RALGAPA2: variants seen among roughly 807,000 people sequenced by gnomAD.
The protein encoded by RALGAPA2 is Ral GTPase activating protein catalytic subunit alpha 2, also known as ral GTPase-activating protein subunit alpha-2.
A neutral mutation model predicts 230.4 loss-of-function variants in RALGAPA2; 139 were observed. The ratio of observed to expected loss-of-function variants is 0.60; its 90% CI spans 0.53 to 0.69. The LOEUF is 0.69. RALGAPA2 is among the 30% of genes least tolerant of loss of function. RALGAPA2 has a pLI of 0.00. For missense variants in RALGAPA2, 2,163 were observed against 2,276.0 expected (o/e 0.95, Z 1.01); for synonymous variants, 847 against 837.8 (o/e 1.01, Z -0.19).
intron 3 of RALGAPA2, among the ~76,000 whole-genome samples, chr20:20,661,315 C>T (rs2067768906): frequency 6.6e-6 from 1 of 152,118 alleles, no homozygotes; most frequent in Non-Finnish European, 1.5e-5. Flanking sequence ...TGTGCCACCA[C>T]ATCCAGCTAA....
At chr20:20,588,876 GT>G (rs779121524) in intron 18 of RALGAPA2, among the ~76,000 whole-genome samples, 2 of 149,014 alleles carry the variant, frequency 1.3e-5, no homozygotes, top group African/African-American at 5.1e-5. Flanking sequence ...TTTGTTTTTT[GT>G]TTTTTTTAAG....
intron 21 of RALGAPA2, 135 bp from the exon 22 acceptor site, chr20:20,572,081 C>T (rs1476465490): frequency 2.2e-5 from 14 of 628,170 alleles, no homozygotes; most frequent in Non-Finnish European, 3.6e-5. Context: ...TTACAAGTTT[C>T]TCTTTTATTG....
At chr20:20,593,892 A>G (rs933737818) in intron 16 of RALGAPA2, among the ~76,000 whole-genome samples, 24 of 152,224 alleles carry the variant, frequency 1.6e-4, no homozygotes. Context: ...AGAGCCTGCC[A>G]CCACCAGCTG....
intron 16 of RALGAPA2, among the ~76,000 whole-genome samples, chr20:20,600,214 T>G (rs2065595200): frequency 6.6e-6 from 1 of 152,142 alleles, no homozygotes; most frequent in African/African-American, 2.4e-5. Flanking sequence ...GAGAATCGCT[T>G]GAACCTGGGA....
chr20:20,599,990 A>T (rs1318997310), intron 16 of RALGAPA2, among the ~76,000 whole-genome samples: 1 of 150,764 alleles, frequency 6.6e-6, no homozygotes, highest in Non-Finnish European at 1.5e-5. Flanking sequence ...ATAAAAAATA[A>T]AAAAAAAATC....
intron 1 of RALGAPA2, among the ~76,000 whole-genome samples, chr20:20,709,544 T>G (rs6137111): frequency 0.017 from 2,531 of 152,306 alleles, 95 homozygotes; most frequent in East Asian, 0.15. Context: ...CAGGGTTTTT[T>G]GGTTTTTGTT....
At chr20:20,571,407 A>T in intron 23 of RALGAPA2, 51 bp downstream of exon 23, 3 of 1,526,002 alleles carry the variant, frequency 2.0e-6, no homozygotes, top group Non-Finnish European at 2.7e-6. Flanking sequence ...TTAAAGAGTG[A>T]TATGCTATTT....
At chr20:20,536,913 G>T in intron 24 of RALGAPA2, 129 bp from the exon 25 acceptor site, 1 of 1,059,262 alleles carries the variant, frequency 9.4e-7, no homozygotes, top group Non-Finnish European at 1.3e-6. Flanking sequence ...TCTTCCAAGT[G>T]CATATTTAAG....
intron 1 of RALGAPA2, among the ~76,000 whole-genome samples, chr20:20,683,953 C>T (rs2068610861): frequency 6.6e-6 from 1 of 152,204 alleles, no homozygotes; most frequent in Admixed American, 6.5e-5. Context: ...AACTTCTGAG[C>T]ACACTTAATG....
intron 9 of RALGAPA2, among the ~76,000 whole-genome samples, chr20:20,633,425 G>A (rs1603139345): frequency 6.6e-6 from 1 of 152,248 alleles, no homozygotes; most frequent in Admixed American, 6.5e-5. Flanking sequence ...GAGAGCCACT[G>A]CGCCCAGCCT....
At position 20,564,393 on chromosome 20, in the gene RALGAPA2, A is replaced by G. The variant is rs566158933; in HGVS notation, c.3156+7065T>C. On this transcript the variant is annotated intron_variant, in intron 23 of 39. Coordinates refer to ENST00000202677, the MANE Select transcript of RALGAPA2 (RefSeq NM_020343.4). ...TTCAAATCAACTTAGCTAAAAGGAT[A>G]TTCAACAGTTCAATTTTCATAACAT... Among the ~76,000 whole-genome samples the G allele has an allele frequency of 7.3e-4, 111 of 152,346 alleles. 1 individual carries two copies. The highest frequency in any genetic ancestry group is 3.4e-3 in the Middle Eastern group (1 of 294).
intron 4 of RALGAPA2, among the ~76,000 whole-genome samples, chr20:20,646,589 A>T (rs756642639): frequency 1.1e-4 from 16 of 152,158 alleles, no homozygotes; most frequent in Non-Finnish European, 1.8e-4. Context: ...GCTAACTTTT[A>T]CTACATTTTA....
chr20:20,705,162 A>G (rs1237232004), intron 1 of RALGAPA2, among the ~76,000 whole-genome samples: 1 of 152,212 alleles, frequency 6.6e-6, no homozygotes, highest in Non-Finnish European at 1.5e-5. Context: ...AGACTTACTT[A>G]TATCAGGCAT....
rs528497755 is a variant in RALGAPA2, at chr20:20,419,302, C to T, written c.5496-7154G>A. Among the ~76,000 whole-genome samples the T allele has an allele frequency of 5.9e-5, 9 of 152,138 alleles. No individual in the cohort carries two copies. In the South Asian group the frequency reaches 1.5e-3, roughly 25 times the overall value. On this transcript the variant is annotated intron_variant, in intron 37 of 39. Coordinates refer to ENST00000202677, the MANE Select transcript of RALGAPA2 (RefSeq NM_020343.4). ...TCATAATAAAAATGGGCAATTTGGCCAGAATGAAACAGCACTAATCAAATG... is the reference window on the plus strand; with the variant it reads ...TCATAATAAAAATGGGCAATTTGGCTAGAATGAAACAGCACTAATCAAATG...
rs79574798 is a variant in RALGAPA2, at chr20:20,609,343, C to T, written c.1800+1972G>A. 5.9e-3 allele frequency among the ~76,000 whole-genome samples: 902 copies of T among 152,202 alleles called. 43 individuals carry two copies. The East Asian group carries it at 0.1, about 18-fold the overall frequency. ...TAAGCATCCTTCTCGATCTACCTAA[C>T]CACTGCCAAAATAATAACAACATCA... On this transcript the variant is annotated intron_variant, in intron 14 of 39. Transcript: ENST00000202677.
chr20:20,670,086 C>T (rs1279439090), intron 3 of RALGAPA2, among the ~76,000 whole-genome samples: 1 of 152,264 alleles, frequency 6.6e-6, no homozygotes, highest in East Asian at 1.9e-4. Context: ...TACCAGTAGA[C>T]TCTTCCGCTC....
rs752450870 is a variant in RALGAPA2 at position 20,512,609 on chromosome 20, G to T, written c.4760C>A (p.Thr1587Asn). The T allele has an allele frequency of 3.7e-6, 6 of 1,613,958 alleles. No homozygotes were observed. The highest frequency in any genetic ancestry group is 5.1e-6 in the Non-Finnish European group (6 of 1,179,854). Residue 1587 changes from threonine (T) to asparagine (N), a missense_variant, in exon 32 of 40, where the codon ACC becomes AAC. Thr to Asn is a moderately conservative substitution (Grantham distance 65). Transcript: ENST00000202677. ...SHNFDSAMKV[T>N]SQGQPSPVEP... ...CACTGGGGAGGGCTGCCCTTGGCTG[G>T]TGACTTTCATTGCAGAATCGAAGTT...
intron 30 of RALGAPA2, 106 bp downstream of exon 30, chr20:20,524,300 T>C: frequency 6.9e-7 from 1 of 1,443,820 alleles, no homozygotes; most frequent in Non-Finnish European, 9.4e-7. Flanking sequence ...CCATAAATCC[T>C]TTTCAAAAGG....
At chr20:20,528,420 T>C (rs1473519792) in intron 27 of RALGAPA2, among the ~76,000 whole-genome samples, 3 of 151,282 alleles carry the variant, frequency 2.0e-5, no homozygotes, top group African/African-American at 7.3e-5. Flanking sequence ...GCAGGGTGAG[T>C]GTGTGAGGGA....
Sources: gnomAD v4.1 joint callset for allele counts (sites outside exome capture counted in the v4.1 genomes callset) on GRCh38, gnomAD v4.1.1 for gene constraint, MANE v1.5 for transcripts, NCBI Gene and HGNC (gene_info 2026-07-23, HGNC 2026-07-21) for gene names.